Variants in RFX3 observed in about 807,000 individuals in gnomAD.
The protein encoded by RFX3 is transcription factor RFX3.
In RFX3, 14 loss-of-function variants were observed where a neutral mutation model predicts 98.6. That is an observed-to-expected ratio of 0.14 (90% CI 0.09 to 0.22). RFX3 has a LOEUF of 0.22. Ranked by LOEUF, RFX3 falls within the 10% of genes least tolerant of loss-of-function variation. The pLI is 1.00. For synonymous variants in RFX3, 383 were observed against 328.4 expected (o/e 1.17, Z -1.80); for missense variants, 639 against 926.9 (o/e 0.69, Z 4.03).
intron 1 of RFX3, among the ~76,000 whole-genome samples, chr9:3,479,720 G>A (rs527667509): frequency 6.6e-6 from 1 of 152,230 alleles, no homozygotes; most frequent in African/African-American, 2.4e-5. Flanking sequence ...GGCTGACTGA[G>A]GCCAAAACCA....
intron 2 of RFX3, among the ~76,000 whole-genome samples, chr9:3,391,261 T>C (rs927254383): frequency 1.3e-5 from 2 of 152,094 alleles, no homozygotes; most frequent in African/African-American, 4.8e-5. Flanking sequence ...TTATAGACAA[T>C]TTATATCCAC....
chr9:3,229,553 G>C (rs1488777683), intron 15 of RFX3, among the ~76,000 whole-genome samples: 3 of 152,156 alleles, frequency 2.0e-5, no homozygotes, highest in Non-Finnish European at 4.4e-5. Context: ...CTAACTTTTA[G>C]TTCAATAGTT....
chr9:3,393,074 G>GGT (rs1198004289), intron 2 of RFX3, among the ~76,000 whole-genome samples: 1 of 151,312 alleles, frequency 6.6e-6, no homozygotes, highest in African/African-American at 2.4e-5. Flanking sequence ...GGTGGGCCAG[G>GGT]GTGTGTGTGT....
At position 3,428,386 on chromosome 9, in the gene RFX3, G is replaced by A. The variant is rs185391439; in HGVS notation, c.-8-32790C>T. Among the ~76,000 whole-genome samples, 6 of 152,234 alleles carry A rather than the reference G, an allele frequency of 3.9e-5. No homozygotes were observed. The East Asian group carries it at 1.2e-3, about 29-fold the overall frequency. On this transcript the variant is annotated intron_variant, in intron 1 of 16. Transcript: ENST00000617270. ...CAGAACTTTAAGATCTTATAATGAT[G>A]ATGGAACACTTTGAAAGTATTCACA... is the stretch of plus-strand genomic sequence containing the variant.
intron 2 of RFX3, among the ~76,000 whole-genome samples, chr9:3,349,556 C>A (rs1250112849): frequency 6.6e-6 from 1 of 152,044 alleles, no homozygotes; most frequent in African/African-American, 2.4e-5. Flanking sequence ...CCTTTCACCC[C>A]TGCTGCTTCT....
At chr9:3,330,161 C>G in intron 4 of RFX3, 98 bp downstream of exon 4, 1 of 1,241,330 alleles carries the variant, frequency 8.1e-7, no homozygotes, top group Non-Finnish European at 1.1e-6. Context: ...CATTCTTGCC[C>G]CAGTCCCATC....
intron 1 of RFX3, among the ~76,000 whole-genome samples, chr9:3,423,161 G>C (rs1843601455): frequency 6.6e-6 from 1 of 152,106 alleles, no homozygotes; most frequent in African/African-American, 2.4e-5. Context: ...AGTAGATACA[G>C]AGCAACTGGA....
chr9:3,355,088 G>C (rs1463170124), intron 2 of RFX3, among the ~76,000 whole-genome samples: 1 of 150,862 alleles, frequency 6.6e-6, no homozygotes, highest in Non-Finnish European at 1.5e-5. Context: ...GAATACTAAA[G>C]AAAAAAATAA....
rs1465124732 is a variant in RFX3, at chr9:3,266,534, CT to C, written c.1358-230del. ...ATTTTGTTCCCAGATACTTATGACG[CT>C]TTTTTGGGAAAAAAAAGGATTCAAA... On this transcript the variant is annotated intron_variant, in intron 11 of 16. Transcript: ENST00000617270. Among the ~76,000 whole-genome samples the C allele has an allele frequency of 6.6e-5, 10 of 151,864 alleles. No individual in the cohort carries two copies. The South Asian group carries it at 1.7e-3, about 25-fold the overall frequency.
chr9:3,477,794 A>G (rs767516329), intron 1 of RFX3, among the ~76,000 whole-genome samples: 2 of 152,144 alleles, frequency 1.3e-5, no homozygotes, highest in Admixed American at 6.6e-5. Flanking sequence ...TGTTGGCACA[A>G]CATTTAATGG....
At chr9:3,336,888 C>T (rs1410823870) in intron 3 of RFX3, among the ~76,000 whole-genome samples, 2 of 152,078 alleles carry the variant, frequency 1.3e-5, no homozygotes, top group South Asian at 2.1e-4. Context: ...TTGTTTTTAT[C>T]GTAAGAGAAT....
chr9:3,419,828 T>C (rs533172269), intron 1 of RFX3, among the ~76,000 whole-genome samples: 1 of 152,258 alleles, frequency 6.6e-6, no homozygotes, highest in Non-Finnish European at 1.5e-5. Flanking sequence ...ATATGTAGAA[T>C]GTTTAATAAT....
rs542226813 is a variant in RFX3 at position 3,393,764 on chromosome 9, G to A, written c.117+1708C>T. Among the ~76,000 whole-genome samples, 7 of 147,122 alleles carry A rather than the reference G, an allele frequency of 4.8e-5. No homozygotes were observed. The East Asian group carries it at 1.2e-3, about 24-fold the overall frequency. ...AGATAAAAACATAACCAATAAAGTG[G>A]GCGCTAAACAATTGGTACACATGAA... On this transcript the variant is annotated intron_variant, in intron 2 of 16. Coordinates refer to ENST00000617270, the MANE Select transcript of RFX3 (RefSeq NM_001282116.2).
chr9:3,497,659 A>C (rs1851209275), intron 1 of RFX3, among the ~76,000 whole-genome samples: 1 of 151,952 alleles, frequency 6.6e-6, no homozygotes, highest in Non-Finnish European at 1.5e-5. Context: ...GGAATGTGAA[A>C]GAATACACCA....
intron 11 of RFX3, among the ~76,000 whole-genome samples, chr9:3,268,855 G>A (rs1174537746): frequency 6.6e-6 from 1 of 151,872 alleles, no homozygotes; most frequent in Non-Finnish European, 1.5e-5. Context: ...TTGTTGATTT[G>A]CCTCAAAAAA....
At chr9:3,504,910 A>ATAT in intron 1 of RFX3, among the ~76,000 whole-genome samples, 1 of 72,768 alleles carries the variant, frequency 1.4e-5, no homozygotes, top group South Asian at 3.9e-4. Flanking sequence ...TTATATATAT[A>ATAT]TATAATATAA....
intron 1 of RFX3, among the ~76,000 whole-genome samples, chr9:3,471,266 T>C (rs1427045719): frequency 6.6e-6 from 1 of 152,228 alleles, no homozygotes; most frequent in Non-Finnish European, 1.5e-5. Flanking sequence ...TCCCTAACTT[T>C]GTCCTCAGAA....
chr9:3,488,669 G>C (rs1850475716), intron 1 of RFX3: 1 of 370,286 alleles, frequency 2.7e-6, no homozygotes, highest in African/African-American at 2.2e-5. Flanking sequence ...AAATAATGTT[G>C]TCAAGGCCTT....
intron 1 of RFX3, among the ~76,000 whole-genome samples, chr9:3,489,846 CTCTT>C (rs1398720101): frequency 6.6e-6 from 1 of 152,016 alleles, no homozygotes; most frequent in African/African-American, 2.4e-5. Context: ...AGTTCCAGTG[CTCTT>C]TCTTTATTGT....
Sources: allele counts gnomAD v4.1 joint callset (sites outside exome capture counted in the v4.1 genomes callset), GRCh38; gene constraint gnomAD v4.1.1; transcripts MANE v1.5; gene names NCBI Gene and HGNC (gene_info 2026-07-23, HGNC 2026-07-21).